IMPG2: variants seen among roughly 807,000 people sequenced by gnomAD.
IMPG2 encodes IPM 200.
IMPG2 carries 91 observed loss-of-function variants against 129.2 expected under a neutral mutation model. The observed-to-expected ratio is 0.70, with a 90% CI of 0.59 to 0.84. IMPG2 has a LOEUF of 0.84. IMPG2 is among the 40% of genes least tolerant of loss of function. The probability of loss-of-function intolerance (pLI) is 0.00; values close to 1 mark genes in which losing one functional copy is unlikely to be tolerated. For missense variants in IMPG2, 1,430 were observed against 1,461.7 expected (o/e 0.98, Z 0.35); for synonymous variants, 510 against 517.7 (o/e 0.99, Z 0.20).
intron 2 of IMPG2, among the ~76,000 whole-genome samples, chr3:101,304,904 A>G (rs503734): frequency 0.4 from 60,790 of 151,592 alleles, 13,226 homozygotes; most frequent in Non-Finnish European, 0.49. Flanking sequence ...GCTTACAGGA[A>G]GCAGAAAGTA....
At chr3:101,228,961 G>T (rs1021112200) in intron 17 of IMPG2, 85 bp from the exon 18 acceptor site, 1 of 980,164 alleles carries the variant, frequency 1.0e-6, no homozygotes, top group Admixed American at 1.8e-5. Context: ...TTTTCATAAG[G>T]AATTGTTACA....
At chr3:101,256,203 AAGAAAGAAAGAAAG>A (rs1706605058) in intron 10 of IMPG2, among the ~76,000 whole-genome samples, 1 of 150,286 alleles carries the variant, frequency 6.7e-6, no homozygotes, top group African/African-American at 2.5e-5. Flanking sequence ...GAAAGAAAGA[AAGAAAGAAAGAAAG>A]AAAAAAATAT....
intron 4 of IMPG2, among the ~76,000 whole-genome samples, chr3:101,278,555 G>A (rs558298464): frequency 5.9e-5 from 9 of 152,122 alleles, no homozygotes; most frequent in Middle Eastern, 3.4e-3. Flanking sequence ...GCTATATTAT[G>A]GAATAGAATA....
chr3:101,294,764 G>A (rs893702938), intron 3 of IMPG2, among the ~76,000 whole-genome samples: 3 of 152,098 alleles, frequency 2.0e-5, no homozygotes, highest in Non-Finnish European at 4.4e-5. Flanking sequence ...ATTGTTTCTC[G>A]ACTTCTTAAT....
rs570982031 is a variant in IMPG2 at position 101,320,264 on chromosome 3, A to G, written c.85+24T>C. ...ATATACTACAGATATGGAAAGATAA[A>G]AACAAATGTAGATTTTTAAATACCT... On this transcript the variant is annotated intron_variant, in intron 1 of 18. Coordinates refer to ENST00000193391, the MANE Select transcript of IMPG2 (RefSeq NM_016247.4). The G allele has an allele frequency of 4.5e-6, 6 of 1,347,642 alleles. No individual in the cohort carries two copies. In the Admixed American group the frequency reaches 8.5e-5, roughly 19 times the overall value. The allele number at this position is 1,347,642 out of a possible 1,614,324, so 83.5% of individuals were successfully genotyped here. A position where few individuals can be genotyped will look rare whatever the true frequency, so the allele number is the denominator to read the frequency against.
chr3:101,237,144 CTG>C (rs1369369977), intron 14 of IMPG2, among the ~76,000 whole-genome samples: 1 of 152,178 alleles, frequency 6.6e-6, no homozygotes, highest in African/African-American at 2.4e-5. Flanking sequence ...AGCAAAGCCT[CTG>C]TAGCCAGATT....
intron 14 of IMPG2, among the ~76,000 whole-genome samples, chr3:101,237,938 ATGTTC>A (rs1231593669): frequency 2.6e-5 from 4 of 152,066 alleles, no homozygotes; most frequent in African/African-American, 9.7e-5. Flanking sequence ...CTAAAGAAAC[ATGTTC>A]TAACCCAATG....
In IMPG2 at chr3:101,229,435, C is replaced by G; in HGVS notation, c.3578G>C (p.Gly1193Ala). Residue 1193 changes from glycine to alanine, a missense_variant, in exon 17 of 19, where the codon GGG (glycine) becomes GCG (alanine). Gly to Ala is a moderately conservative substitution (Grantham distance 60). Transcript: ENST00000193391. ...YSSASGDVIG[G>A]LSREEIRQMY... is the part of the protein sequence containing the mutation. The stretch of plus-strand genomic sequence containing the variant: ...CTGTCTGATTTCTTCTCTGCTCAGC[C>G]CACCAATCACGTCTCCGCTAGCAGA... The G allele has an allele frequency of 1.9e-6, 3 of 1,612,748 alleles. No homozygotes were observed. Among genetic ancestry groups the G allele is most frequent in the Non-Finnish European group, 2.5e-6 (3 of 1,179,994 alleles).
intron 9 of IMPG2, among the ~76,000 whole-genome samples, chr3:101,265,951 T>C (rs984048090): frequency 6.6e-6 from 1 of 152,172 alleles, no homozygotes; most frequent in African/African-American, 2.4e-5. Flanking sequence ...TATTTTAAAA[T>C]GCTCAACATT....
At chr3:101,255,312 C>T (rs151133091) in intron 10 of IMPG2, among the ~76,000 whole-genome samples, 1 of 152,194 alleles carries the variant, frequency 6.6e-6, no homozygotes, top group Non-Finnish European at 1.5e-5. Context: ...GCCCAAGACA[C>T]TTGAATTAGT....
At chr3:101,291,358 C>A (rs1279373807) in intron 4 of IMPG2, 121 bp downstream of exon 4, 1 of 839,382 alleles carries the variant, frequency 1.2e-6, no homozygotes, top group African/African-American at 1.7e-5. Flanking sequence ...TATCCACAGG[C>A]CTGGTCATTG....
At chr3:101,246,726 T>C (rs1706482618) in intron 11 of IMPG2, among the ~76,000 whole-genome samples, 1 of 152,214 alleles carries the variant, frequency 6.6e-6, no homozygotes, top group Admixed American at 6.5e-5. Flanking sequence ...TCTTAAAATG[T>C]AGCTTCAGAA....
At chr3:101,303,623 T>G (rs749216965) in intron 3 of IMPG2, among the ~76,000 whole-genome samples, 13 of 152,220 alleles carry the variant, frequency 8.5e-5, no homozygotes, top group Non-Finnish European at 1.6e-4. Context: ...TTATGCATGT[T>G]TATTTATCCT....
Position 101,304,821 on chromosome 3 carries a change from T to C in IMPG2, c.335-509A>G, listed in dbSNP as rs35404947. On this transcript the variant is annotated intron_variant, in intron 2 of 18. Coordinates refer to ENST00000193391, the MANE Select transcript of IMPG2 (RefSeq NM_016247.4). ...AATGCAGTGACATAACTGCATTGCA[T>C]CTACTTGCTCAAAAAGTCATCACAT... Among the ~76,000 whole-genome samples, 546 of 151,184 alleles carry C rather than the reference T, an allele frequency of 3.6e-3. 1 individual carries two copies. The highest frequency in any genetic ancestry group is 5.3e-3 in the Non-Finnish European group (359 of 67,822).
chr3:101,238,316 A>T (rs751205499), intron 14 of IMPG2, among the ~76,000 whole-genome samples: 1 of 152,220 alleles, frequency 6.6e-6, no homozygotes, highest in Non-Finnish European at 1.5e-5. Flanking sequence ...ATCCAGGAGA[A>T]CTTCCCCAAC....
chr3:101,238,262 A>G (rs1281882822), intron 14 of IMPG2, among the ~76,000 whole-genome samples: 1 of 152,176 alleles, frequency 6.6e-6, no homozygotes, highest in Non-Finnish European at 1.5e-5. Context: ...CCTGAAAGTG[A>G]TGGGGAGAAT....
At chr3:101,271,661 C>T (rs951783284) in intron 7 of IMPG2, among the ~76,000 whole-genome samples, 1 of 152,140 alleles carries the variant, frequency 6.6e-6, no homozygotes, top group Non-Finnish European at 1.5e-5. Flanking sequence ...CATATTCTTC[C>T]CATTGAATTA....
intron 16 of IMPG2, among the ~76,000 whole-genome samples, 182 bp from the exon 17 acceptor site, chr3:101,229,772 G>A (rs1456692771): frequency 6.6e-6 from 1 of 152,168 alleles, no homozygotes; most frequent in Admixed American, 6.5e-5. Flanking sequence ...TTATCATTAT[G>A]ATTTCCTCAC....
intron 12 of IMPG2, 132 bp downstream of exon 12, chr3:101,245,670 A>G: frequency 1.2e-6 from 1 of 846,672 alleles, no homozygotes; most frequent in South Asian, 1.4e-5. Context: ...CCTCTCACAC[A>G]CAATTTTACC....
Sources: gnomAD v4.1 joint callset for allele counts (sites outside exome capture counted in the v4.1 genomes callset) on GRCh38, gnomAD v4.1.1 for gene constraint, MANE v1.5 for transcripts, NCBI Gene and HGNC (gene_info 2026-07-23, HGNC 2026-07-21) for gene names.